STMN4: variants seen among roughly 807,000 people sequenced by gnomAD.
STMN4 encodes stathmin 4.
STMN4 carries 12 observed loss-of-function variants against 29.1 expected under a neutral mutation model. The ratio of observed to expected loss-of-function variants is 0.41; its 90% confidence interval spans 0.26 to 0.67. STMN4 has a LOEUF of 0.67. Ranked by LOEUF, STMN4 falls within the 30% of genes least tolerant of loss-of-function variation. STMN4 has a pLI of 0.30. For synonymous variants in STMN4, 114 were observed against 105.3 expected (o/e 1.08, Z -0.51); for missense variants, 181 against 262.8 (o/e 0.69, Z 2.15).
intron 1 of STMN4, among the ~76,000 whole-genome samples, chr8:27,257,963 A>G (rs1303502469): frequency 6.6e-6 from 1 of 152,238 alleles, no homozygotes; most frequent in Non-Finnish European, 1.5e-5. Context: ...AGGTAAAAAC[A>G]CAGGAGAGCT....
chr8:27,240,200 T>TGG, intron 5 of STMN4, 38 bp from the exon 6 acceptor site: 2 of 1,597,280 alleles, frequency 1.3e-6, no homozygotes, highest in Non-Finnish European at 1.7e-6. Flanking sequence ...CCCTTCACAG[T>TGG]GAGTGTGCCA....
At chr8:27,243,850 T>A in intron 1 of STMN4, 49 bp from the exon 2 acceptor site, 1 of 1,547,080 alleles carries the variant, frequency 6.5e-7, no homozygotes. Context: ...TTAGACAGGT[T>A]ATTCTCATAA....
rs1455660802 is a variant in STMN4 at position 27,243,815 on chromosome 8, A to G, written c.-78-14T>C. 6.2e-7 allele frequency: 1 copy of G among 1,611,886 alleles called. No homozygotes were observed. Among genetic ancestry groups the G allele is most frequent in the Non-Finnish European group, 8.5e-7 (1 of 1,178,214 alleles). The stretch of plus-strand genomic sequence containing the variant: ...GCTGTCACCAACCTGAGAAAAGGGG[A>G]GGACAGGATTTTACCATCGATGGAT... On this transcript the variant is annotated splice_polypyrimidine_tract_variant and intron_variant, in intron 1 of 6. Coordinates refer to ENST00000350889, the MANE Select transcript of STMN4 (RefSeq NM_030795.4).
At chr8:27,251,389 G>C (rs1219797915) in intron 1 of STMN4, among the ~76,000 whole-genome samples, 2 of 150,022 alleles carry the variant, frequency 1.3e-5, no homozygotes, top group Non-Finnish European at 3.0e-5. Flanking sequence ...TCAAGTTCAG[G>C]GGCATGGACT....
intron 1 of STMN4, among the ~76,000 whole-genome samples, chr8:27,245,651 A>G (rs1375735500): frequency 1.3e-5 from 2 of 152,228 alleles, no homozygotes; most frequent in Non-Finnish European, 2.9e-5. Context: ...GCTGACTGAC[A>G]AGTCACTGGC....
At chr8:27,244,061 G>A (rs762736480) in intron 1 of STMN4, among the ~76,000 whole-genome samples, 6 of 152,142 alleles carry the variant, frequency 3.9e-5, no homozygotes, top group African/African-American at 4.8e-5. Context: ...ACATGCAAGC[G>A]TGGGTTTCCC....
Position 27,250,895 on chromosome 8 carries a change from ACAGCCCCAAAT to A in STMN4, c.-78-7105_-78-7095del, listed in dbSNP as rs550780193. On this transcript the variant is annotated intron_variant, in intron 1 of 6. Transcript: ENST00000350889. ...GAAGGAAAATTAAACTGGAAAAGTGACAGCCCCAAATAATCCACAATGATGGGATTTTCTGG... is the reference window on the plus strand; with the variant it reads ...GAAGGAAAATTAAACTGGAAAAGTGAAATCCACAATGATGGGATTTTCTGG... Among the ~76,000 whole-genome samples, 22 of 152,378 alleles carry A rather than the reference ACAGCCCCAAAT, an allele frequency of 1.4e-4. No individual in the cohort carries two copies. The East Asian group carries it at 4.2e-3, about 29-fold the overall frequency.
At chr8:27,243,502 A>T (rs1187780446) in intron 2 of STMN4, among the ~76,000 whole-genome samples, 1 of 150,526 alleles carries the variant, frequency 6.6e-6, no homozygotes, top group Non-Finnish European at 1.5e-5. Flanking sequence ...ACCCCCCACC[A>T]CTTGTTCAAC....
Position 27,242,456 on chromosome 8 carries a change from G to A in STMN4, c.50C>T (p.Ser17Phe). 5 of 1,614,196 alleles carry A rather than the reference G, an allele frequency of 3.1e-6. No homozygotes were observed. The highest frequency in any genetic ancestry group is 4.2e-6 in the Non-Finnish European group (5 of 1,180,030). Residue 17 changes from serine (S) to phenylalanine (F), a missense_variant, in exon 3 of 7, where the codon TCC becomes TTC. By Grantham distance (155) the Ser-to-Phe change is radical (BLOSUM62 -2). Transcript: ENST00000350889. ...GGCCAGGAAGCAGGAGCAGAACAAG[G>A]ACACCAGCGGGAGCTCCTTCATCTT... ...KEKMKELPLV[S>F]LFCSCFLADP... is the part of the protein sequence containing the mutation.
At chr8:27,238,168 C>T (rs1801363321) in intron 6 of STMN4, among the ~76,000 whole-genome samples, 1 of 152,214 alleles carries the variant, frequency 6.6e-6, no homozygotes, top group Non-Finnish European at 1.5e-5. Flanking sequence ...CATCCCTAGA[C>T]AGCCAGGATT....
intron 2 of STMN4, among the ~76,000 whole-genome samples, 169 bp from the exon 3 acceptor site, chr8:27,242,661 C>T (rs1218080864): frequency 2.0e-5 from 3 of 152,192 alleles, no homozygotes; most frequent in Non-Finnish European, 4.4e-5. Context: ...CCGTGCTGTT[C>T]AGGATCCCTG....
At chr8:27,248,299 T>A (rs1225296627) in intron 1 of STMN4, among the ~76,000 whole-genome samples, 1 of 152,068 alleles carries the variant, frequency 6.6e-6, no homozygotes, top group Non-Finnish European at 1.5e-5. Flanking sequence ...AAGATTCGAG[T>A]GTGGCCTCAT....
At chr8:27,238,846 G>A (rs1007508951) in intron 6 of STMN4, among the ~76,000 whole-genome samples, 11 of 152,266 alleles carry the variant, frequency 7.2e-5, no homozygotes, top group Non-Finnish European at 1.5e-4. Flanking sequence ...GGAAATGAAA[G>A]TATTTTGCAA....
intron 1 of STMN4, among the ~76,000 whole-genome samples, chr8:27,256,617 AT>A (rs11300955): frequency 0.071 from 10,751 of 152,284 alleles, 1,273 homozygotes; most frequent in African/African-American, 0.24. Flanking sequence ...AAATATACAC[AT>A]AACTGATATG....
In STMN4 at chr8:27,235,655, T is replaced by A. The variant is rs1166492204; in HGVS notation, c.*1191A>T. On this transcript the variant is annotated 3_prime_UTR_variant, in exon 7 of 7. Transcript: ENST00000350889. ...TGTCTCCCCCAATATACAGGTTGAA[T>A]CCTAATCCCGACACTACAGAATTAA... 3 of 152,218 alleles carry A rather than the reference T, an allele frequency of 2.0e-5. No individual in the cohort carries two copies. The highest frequency in any genetic ancestry group is 7.2e-5 in the African/African-American group (3 of 41,446). The allele number at this position is 152,218 out of a possible 1,614,324, so 9.4% of individuals were successfully genotyped here.
At chr8:27,251,554 A>G (rs1192286089) in intron 1 of STMN4, among the ~76,000 whole-genome samples, 3 of 151,850 alleles carry the variant, frequency 2.0e-5, no homozygotes, top group Non-Finnish European at 4.4e-5. Flanking sequence ...CTTTATGATT[A>G]CATCTATAGG....
At chr8:27,239,408 C>A in intron 6 of STMN4, 1 of 968,952 alleles carries the variant, frequency 1.0e-6, no homozygotes, top group South Asian at 1.6e-5. Flanking sequence ...ACACACAGAA[C>A]CAACCCCGGC....
chr8:27,251,808 CT>C (rs34011092), intron 1 of STMN4, among the ~76,000 whole-genome samples: 136,307 of 145,962 alleles, frequency 0.93, 63,952 homozygotes, highest in Non-Finnish European at 0.98. Context: ...CTTTTTTTTT[CT>C]TTTTTTTTTT....
intron 2 of STMN4, among the ~76,000 whole-genome samples, chr8:27,242,880 A>T (rs1801516932): frequency 6.6e-6 from 1 of 152,124 alleles, no homozygotes; most frequent in Non-Finnish European, 1.5e-5. Context: ...CAGGAGACCC[A>T]CACTCCATTC....
Sources: allele counts gnomAD v4.1 joint callset (sites outside exome capture counted in the v4.1 genomes callset), GRCh38; gene constraint gnomAD v4.1.1; transcripts MANE v1.5; gene names NCBI Gene and HGNC (gene_info 2026-07-23, HGNC 2026-07-21).